The following CADM2 variants were observed in gnomAD, a reference collection of about 807,000 sequenced individuals.
The protein encoded by CADM2 is immunoglobulin superfamily member 4D.
CADM2 carries 12 observed loss-of-function variants against 49.8 expected under a neutral mutation model. The observed-to-expected ratio is 0.24, with a 90% CI of 0.15 to 0.39. The LOEUF is 0.39. CADM2 is among the 10% of genes least tolerant of loss of function. CADM2 has a pLI of 1.00. For missense variants in CADM2, 378 were observed against 492.3 expected, an observed-to-expected ratio of 0.77 and a Z score of 2.20; for synonymous variants, 214 against 175.4, an observed-to-expected ratio of 1.22 and a Z score of -1.74.
At chr3:85,441,688 A>G (rs1000264918) in intron 1 of CADM2, among the ~76,000 whole-genome samples, 3 of 152,148 alleles carry the variant, frequency 2.0e-5, no homozygotes, top group Admixed American at 6.6e-5. Context: ...TATTTTTACA[A>G]AGGAAATGTC....
At chr3:85,247,863 C>A (rs183025001) in intron 1 of CADM2, among the ~76,000 whole-genome samples, 1 of 152,136 alleles carries the variant, frequency 6.6e-6, no homozygotes, top group Non-Finnish European at 1.5e-5. Context: ...ATACTGGGTA[C>A]AACAGAGATG....
chr3:85,779,038 T>C (rs1325116548), intron 2 of CADM2, among the ~76,000 whole-genome samples: 1 of 152,178 alleles, frequency 6.6e-6, no homozygotes, highest in African/African-American at 2.4e-5. Flanking sequence ...TTAATTGATG[T>C]TAAATCTAGG....
rs534175316 is a variant in CADM2, at chr3:85,037,332, G to A, written c.61+77664G>A. Among the ~76,000 whole-genome samples, 3 of 152,268 alleles carry A rather than the reference G, an allele frequency of 2.0e-5. No individual in the cohort carries two copies. In the East Asian group the frequency reaches 5.8e-4, roughly 29 times the overall value. On this transcript the variant is annotated intron_variant, in intron 1 of 9. Coordinates refer to ENST00000383699, the MANE Select transcript of CADM2 (RefSeq NM_001167675.2). ...CTCATATTTTCTCCTTTATGCAGTG[G>A]ACATGTAGATTTGCCAGATCAAAGC... is the stretch of plus-strand genomic sequence containing the variant.
Position 85,167,333 on chromosome 3 carries a change from A to G in CADM2, c.61+207665A>G, listed in dbSNP as rs2040497842. On this transcript the variant is annotated intron_variant, in intron 1 of 9. Transcript: ENST00000383699. ...AGAAATATTTTATTATATATCAACA[A>G]AGATGATTATATTTGTACTGCTTTT... Among the ~76,000 whole-genome samples, 3 of 152,206 alleles carry G rather than the reference A, an allele frequency of 2.0e-5. No homozygotes were observed. The South Asian group carries it at 6.2e-4, about 31-fold the overall frequency.
chr3:85,288,247 T>C (rs1280431830), intron 1 of CADM2, among the ~76,000 whole-genome samples: 2 of 152,086 alleles, frequency 1.3e-5, no homozygotes, highest in African/African-American at 4.8e-5. Flanking sequence ...AAATAGTTCA[T>C]GGAGATCAGT....
At chr3:85,578,534 G>T (rs1262355466) in intron 1 of CADM2, among the ~76,000 whole-genome samples, 1 of 152,162 alleles carries the variant, frequency 6.6e-6, no homozygotes. Flanking sequence ...CCCTTCTGGA[G>T]GGTAAACTTT....
At chr3:85,252,004 A>G (rs1173537168) in intron 1 of CADM2, among the ~76,000 whole-genome samples, 3 of 151,970 alleles carry the variant, frequency 2.0e-5, no homozygotes, top group South Asian at 2.1e-4. Flanking sequence ...GGAATTTGCC[A>G]TGTTAGCATT....
At chr3:85,295,076 A>C (rs1170039684) in intron 1 of CADM2, among the ~76,000 whole-genome samples, 3 of 152,186 alleles carry the variant, frequency 2.0e-5, no homozygotes, top group Non-Finnish European at 2.9e-5. Flanking sequence ...TCTACAATGA[A>C]CTCAAACAAA....
chr3:85,085,756 A>C lies in CADM2; in HGVS notation c.61+126088A>C, dbSNP rs534781181. 3.3e-5 allele frequency among the ~76,000 whole-genome samples: 5 copies of C among 152,296 alleles called. No homozygotes were observed. The South Asian group carries it at 8.3e-4, about 25-fold the overall frequency. Reference sequence around the variant, plus strand: ...AAACTACACAAAGCAAAGGCAATATATATAACGAGTTGACCCCATCCATGT... The same window carrying C: ...AAACTACACAAAGCAAAGGCAATATCTATAACGAGTTGACCCCATCCATGT... On this transcript the variant is annotated intron_variant, in intron 1 of 9. Transcript: ENST00000383699.
At chr3:85,888,777 G>T (rs559990503) in intron 5 of CADM2, among the ~76,000 whole-genome samples, 11 of 152,248 alleles carry the variant, frequency 7.2e-5, no homozygotes, top group African/African-American at 2.6e-4. Flanking sequence ...ATTCACTGTA[G>T]TTGCTGTTTC....
At chr3:85,577,764 G>T (rs113960798) in intron 1 of CADM2, among the ~76,000 whole-genome samples, 1 of 151,538 alleles carries the variant, frequency 6.6e-6, no homozygotes, top group African/African-American at 2.4e-5. Context: ...TTTTATTGTT[G>T]TTTTATTTTT....
intron 1 of CADM2, among the ~76,000 whole-genome samples, chr3:85,099,298 A>C (rs1297292735): frequency 6.6e-6 from 1 of 152,166 alleles, no homozygotes. Flanking sequence ...CTCAAAGTCC[A>C]ATAACATAAC....
At chr3:85,536,761 A>T (rs2061430433) in intron 1 of CADM2, among the ~76,000 whole-genome samples, 1 of 151,994 alleles carries the variant, frequency 6.6e-6, no homozygotes, top group Non-Finnish European at 1.5e-5. Context: ...AATATGAGAG[A>T]TATGTATAGC....
intron 1 of CADM2, among the ~76,000 whole-genome samples, chr3:85,724,689 A>G (rs944392890): frequency 1.3e-5 from 2 of 151,794 alleles, no homozygotes; most frequent in African/African-American, 4.8e-5. Context: ...CTTTTTTTTT[A>G]GGTTTTTATA....
chr3:85,349,161 T>C (rs547744959), intron 1 of CADM2, among the ~76,000 whole-genome samples: 13 of 152,312 alleles, frequency 8.5e-5, no homozygotes, highest in Middle Eastern at 6.8e-3. Context: ...TTCAGAGATT[T>C]CAATTGCTCT....
At chr3:85,472,007 T>C (rs1049456352) in intron 1 of CADM2, among the ~76,000 whole-genome samples, 1 of 151,912 alleles carries the variant, frequency 6.6e-6, no homozygotes. Flanking sequence ...ACTCTTAGTG[T>C]AGTAAAAGTT....
chr3:85,253,448 C>A (rs1337093594), intron 1 of CADM2, among the ~76,000 whole-genome samples: 1 of 151,962 alleles, frequency 6.6e-6, no homozygotes, highest in Non-Finnish European at 1.5e-5. Context: ...TTTGCAAGTT[C>A]ACTTTTGACA....
chr3:85,136,952 T>C (rs1301467096), intron 1 of CADM2, among the ~76,000 whole-genome samples: 3 of 151,982 alleles, frequency 2.0e-5, no homozygotes, highest in African/African-American at 7.2e-5. Context: ...TTTAAAAATA[T>C]GCAAATAAGA....
At chr3:85,858,366 A>C (rs566948815) in intron 3 of CADM2, among the ~76,000 whole-genome samples, 1 of 152,378 alleles carries the variant, frequency 6.6e-6, no homozygotes, top group South Asian at 2.1e-4. Flanking sequence ...CTGAACATCC[A>C]TTATCATTCA....
Sources: allele counts gnomAD v4.1 joint callset (sites outside exome capture counted in the v4.1 genomes callset), GRCh38; gene constraint gnomAD v4.1.1; transcripts MANE v1.5; gene names NCBI Gene and HGNC (gene_info 2026-07-23, HGNC 2026-07-21).